Variants in TENM4 observed in about 807,000 individuals in gnomAD.
TENM4 encodes the protein teneurin transmembrane protein 4.
In TENM4, 82 loss-of-function variants were observed where a neutral mutation model predicts 243.3. That is an observed-to-expected ratio of 0.34 (90% confidence interval 0.28 to 0.40). The LOEUF is 0.40. Among genes scored for constraint, TENM4 ranks in the 10% least tolerant of loss-of-function variants. The pLI is 1.00. For missense variants in TENM4, 3,138 were observed against 3,673.3 expected (o/e 0.85, Z 3.77); for synonymous variants, 1,412 against 1,456.3 (o/e 0.97, Z 0.69).
intron 24 of TENM4, among the ~76,000 whole-genome samples, chr11:78,721,973 C>CTCTAAGCG (rs1859665208): frequency 6.6e-6 from 1 of 152,150 alleles, no homozygotes; most frequent in African/African-American, 2.4e-5. Flanking sequence ...CTTCCCGGAG[C>CTCTAAGCG]TCTAAGCGTG....
chr11:78,980,643 T>C (rs1857771558), intron 6 of TENM4, among the ~76,000 whole-genome samples: 1 of 152,230 alleles, frequency 6.6e-6, no homozygotes, highest in Non-Finnish European at 1.5e-5. Flanking sequence ...CATGAACTCA[T>C]GTCTGAGTCT....
At chr11:79,386,093 G>A (rs985195887) in intron 1 of TENM4, among the ~76,000 whole-genome samples, 4 of 152,206 alleles carry the variant, frequency 2.6e-5, no homozygotes, top group African/African-American at 7.2e-5. Context: ...TTAACTGCAG[G>A]AGTCCAGAAG....
At chr11:79,273,945 G>A (rs1856011069) in intron 2 of TENM4, among the ~76,000 whole-genome samples, 1 of 152,214 alleles carries the variant, frequency 6.6e-6, no homozygotes, top group African/African-American at 2.4e-5. Context: ...ACAAGGCTGT[G>A]CACAGCTTGC....
At chr11:79,109,662 G>T (rs558173106) in intron 4 of TENM4, among the ~76,000 whole-genome samples, 1 of 152,224 alleles carries the variant, frequency 6.6e-6, no homozygotes, top group Non-Finnish European at 1.5e-5. Flanking sequence ...GTGTCAAAGG[G>T]TTGCCGAGTA....
At chr11:78,937,041 T>C (rs147352014) in intron 6 of TENM4, among the ~76,000 whole-genome samples, 463 of 152,272 alleles carry the variant, frequency 3.0e-3, no homozygotes, top group African/African-American at 0.01. Context: ...TTATTTATCA[T>C]TATTGCAATT....
intron 6 of TENM4, among the ~76,000 whole-genome samples, chr11:79,048,042 A>G (rs1859701906): frequency 6.6e-6 from 1 of 152,204 alleles, no homozygotes; most frequent in Admixed American, 6.5e-5. Context: ...AAGCCCTGTC[A>G]TACCTGGTAC....
chr11:79,223,668 T>G (rs1864205960), intron 2 of TENM4, among the ~76,000 whole-genome samples: 1 of 152,154 alleles, frequency 6.6e-6, no homozygotes, highest in Non-Finnish European at 1.5e-5. Flanking sequence ...CCAGACCTTG[T>G]ATGCTCCAGC....
At chr11:79,031,256 A>G (rs868300212) in intron 6 of TENM4, among the ~76,000 whole-genome samples, 6 of 152,228 alleles carry the variant, frequency 3.9e-5, no homozygotes, top group African/African-American at 1.4e-4. Flanking sequence ...ATGCCTACAT[A>G]CAGATAATGT....
chr11:78,842,383 T>C (rs1858279898), intron 12 of TENM4, among the ~76,000 whole-genome samples: 1 of 152,222 alleles, frequency 6.6e-6, no homozygotes, highest in South Asian at 2.1e-4. Flanking sequence ...TTCTCTTCTC[T>C]CATCTAATCC....
intron 25 of TENM4, among the ~76,000 whole-genome samples, chr11:78,715,311 GCT>G (rs1195258574): frequency 6.6e-6 from 1 of 152,204 alleles, no homozygotes; most frequent in Non-Finnish European, 1.5e-5. Flanking sequence ...TCTGATGACA[GCT>G]CTGAGGCGGG....
At chr11:79,185,401 T>C (rs1175137411) in intron 3 of TENM4, among the ~76,000 whole-genome samples, 1 of 152,162 alleles carries the variant, frequency 6.6e-6, no homozygotes. Flanking sequence ...AAAAAGTCCT[T>C]TGCTTCTTAG....
chr11:79,334,701 A>C (rs530765664), intron 1 of TENM4, among the ~76,000 whole-genome samples: 1 of 152,362 alleles, frequency 6.6e-6, no homozygotes, highest in South Asian at 2.1e-4. Flanking sequence ...CTGAGACATC[A>C]GTAAGTCTAG....
chr11:79,252,977 AT>A (rs1177643002), intron 2 of TENM4, among the ~76,000 whole-genome samples: 1 of 152,236 alleles, frequency 6.6e-6, no homozygotes, highest in African/African-American at 2.4e-5. Flanking sequence ...TGCTTAATAC[AT>A]ATATTATATC....
chr11:79,224,653 A>G (rs1864226925), intron 2 of TENM4, among the ~76,000 whole-genome samples: 1 of 152,192 alleles, frequency 6.6e-6, no homozygotes, highest in South Asian at 2.1e-4. Flanking sequence ...TAGTGTCCTT[A>G]TAAAAAGGGG....
intron 12 of TENM4, among the ~76,000 whole-genome samples, chr11:78,816,025 T>A (rs1371904081): frequency 6.6e-6 from 1 of 152,232 alleles, no homozygotes; most frequent in Non-Finnish European, 1.5e-5. Context: ...CTTCCCACTT[T>A]TTCTGTGTCC....
Position 79,246,678 on chromosome 11 carries a change from G to A in TENM4, c.-264-30769C>T, listed in dbSNP as rs114419412. 9.3e-3 allele frequency among the ~76,000 whole-genome samples: 1,418 copies of A among 152,264 alleles called. 26 individuals carry two copies. Among genetic ancestry groups the A allele is most frequent in the African/African-American group, 0.032 (1,321 of 41,536 alleles). On this transcript the variant is annotated intron_variant, in intron 2 of 33. Transcript: ENST00000278550. ...AGATACAGAGAGATATGTATTGGAT[G>A]ATTCTATTTGTATGAAAAATGAAAA...
intron 21 of TENM4, among the ~76,000 whole-genome samples, chr11:78,731,976 C>T (rs1275781447): frequency 6.6e-6 from 1 of 152,074 alleles, no homozygotes; most frequent in Non-Finnish European, 1.5e-5. Flanking sequence ...GTAGTTTTAA[C>T]AGAAATAATG....
intron 6 of TENM4, among the ~76,000 whole-genome samples, chr11:79,006,198 A>ATCAGTACCTCCCTTTCTACCCCCTAC (rs1375282975): frequency 3.9e-5 from 6 of 152,016 alleles, no homozygotes; most frequent in Non-Finnish European, 7.4e-5. Flanking sequence ...CCCCTCCCTA[A>ATCAGTACCTCCCTTTCTACCCCCTAC]TCAGTACCTC....
rs748314290 is a variant in TENM4 at position 78,661,496 on chromosome 11, C to T, written c.7504G>A (p.Glu2502Lys). ...PDMDAMEPSY[E>K]LIHTQMKTQE... ...GTTTTCATCTGTGTGTGGATGAGCT[C>T]GTAGGAGGGTTCCATGGCATCCATG... The change falls in exon 33 of 34, where the codon GAG (glutamate) becomes AAG (lysine). Residue 2502 changes from glutamate to lysine, a missense_variant. Physicochemically the swap from Glu to Lys is moderately conservative, Grantham distance 56. Transcript: ENST00000278550. 1.5e-5 allele frequency: 24 copies of T among 1,611,518 alleles called. No homozygotes were observed. Among genetic ancestry groups the T allele is most frequent in the East Asian group, 2.2e-5 (1 of 44,860 alleles).
Sources: allele counts gnomAD v4.1 joint callset (sites outside exome capture counted in the v4.1 genomes callset), GRCh38; gene constraint gnomAD v4.1.1; transcripts MANE v1.5; gene names NCBI Gene and HGNC (gene_info 2026-07-23, HGNC 2026-07-21).